The following LNP1 variants were observed in gnomAD, a reference collection of about 807,000 sequenced individuals.
LNP1 encodes the protein leukemia NUP98 fusion partner 1.
In LNP1, 12 loss-of-function variants were observed where a neutral mutation model predicts 14.5. The ratio of observed to expected loss-of-function variants is 0.83; its 90% CI spans 0.53 to 1.34. LNP1 has a LOEUF of 1.34. LNP1 is among the 40% of genes most tolerant of loss of function. The pLI is 0.00. For missense variants in LNP1, 198 were observed against 210.9 expected (o/e 0.94, Z 0.38); for synonymous variants, 75 against 71.4 (o/e 1.05, Z -0.26).
intron 1 of LNP1, among the ~76,000 whole-genome samples, chr3:100,418,385 T>A (rs536256566): frequency 4.6e-5 from 7 of 152,232 alleles, no homozygotes; most frequent in African/African-American, 1.7e-4. Context: ...TATCATTTAG[T>A]TCATTTTGAA....
intron 1 of LNP1, among the ~76,000 whole-genome samples, chr3:100,407,557 T>G (rs2148898295): frequency 2.0e-5 from 3 of 152,312 alleles, no homozygotes; most frequent in Admixed American, 2.0e-4. Context: ...GATTATAATA[T>G]GTCTTGTGAT....
intron 1 of LNP1, among the ~76,000 whole-genome samples, chr3:100,405,760 G>A (rs1706959119): frequency 1.3e-5 from 2 of 151,702 alleles, no homozygotes; most frequent in Admixed American, 1.3e-4. Flanking sequence ...ATATTTGCTT[G>A]CTTCCCAGAT....
At chr3:100,447,173 A>G (rs1398906552) in intron 2 of LNP1, among the ~76,000 whole-genome samples, 2 of 152,198 alleles carry the variant, frequency 1.3e-5, no homozygotes, top group African/African-American at 4.8e-5. Context: ...GGCACTATTC[A>G]CAGTAGCAAA....
intron 2 of LNP1, among the ~76,000 whole-genome samples, chr3:100,443,760 A>G (rs1329003183): frequency 1.3e-5 from 2 of 152,206 alleles, no homozygotes; most frequent in Non-Finnish European, 2.9e-5. Context: ...AGTTTCTCCA[A>G]TTGTGTCCTG....
chr3:100,404,751 C>T lies in LNP1; in HGVS notation c.-34+2312C>T, dbSNP rs192972526. 3.4e-3 allele frequency among the ~76,000 whole-genome samples: 512 copies of T among 150,890 alleles called. 2 individuals are homozygous for T. Among genetic ancestry groups the T allele is most frequent in the African/African-American group, 0.012 (478 of 40,960 alleles). On this transcript the variant is annotated intron_variant, in intron 1 of 3. Transcript: ENST00000383693. The stretch of plus-strand genomic sequence containing the variant: ...TTCCTGACTTTTGTCAAAAATATAA[C>T]TCATCATTTTCCCCACTCATTCTTT...
chr3:100,434,974 T>C (rs1707280209), intron 2 of LNP1, among the ~76,000 whole-genome samples: 1 of 152,180 alleles, frequency 6.6e-6, no homozygotes, highest in African/African-American at 2.4e-5. Context: ...CTCATTCTTA[T>C]AGTATCTCAC....
chr3:100,436,608 C>T (rs1167383110), intron 2 of LNP1, among the ~76,000 whole-genome samples: 2 of 152,028 alleles, frequency 1.3e-5, no homozygotes, highest in African/African-American at 4.8e-5. Flanking sequence ...TAGAGTTTTT[C>T]ATTTTCTCTT....
At chr3:100,425,559 C>T (rs968215909) in intron 1 of LNP1, among the ~76,000 whole-genome samples, 4 of 152,178 alleles carry the variant, frequency 2.6e-5, no homozygotes, top group Admixed American at 6.5e-5. Context: ...CCCCAGGTGC[C>T]GGGTTTTTTT....
intron 2 of LNP1, among the ~76,000 whole-genome samples, chr3:100,445,658 T>C (rs1707380492): frequency 1.3e-5 from 2 of 152,194 alleles, no homozygotes; most frequent in Admixed American, 1.3e-4. Context: ...AACTGGATCA[T>C]ATCAAAGTTT....
chr3:100,424,859 C>T (rs1402189996), intron 1 of LNP1, among the ~76,000 whole-genome samples: 3 of 152,140 alleles, frequency 2.0e-5, no homozygotes. Flanking sequence ...TAGTGTCCCA[C>T]GACACAGTAT....
chr3:100,452,014 C>G (rs1576238240), intron 3 of LNP1, 65 bp downstream of exon 3: 2 of 1,036,698 alleles, frequency 1.9e-6, no homozygotes, highest in Non-Finnish European at 2.8e-6. Flanking sequence ...GTTTTGTCCT[C>G]TTTATGATTG....
chr3:100,407,247 C>T (rs945398051), intron 1 of LNP1, among the ~76,000 whole-genome samples: 1 of 152,066 alleles, frequency 6.6e-6, no homozygotes, highest in Non-Finnish European at 1.5e-5. Context: ...TGAAGAACAC[C>T]CTTTAGCATT....
intron 1 of LNP1, among the ~76,000 whole-genome samples, chr3:100,412,805 G>C (rs1707042800): frequency 6.6e-6 from 1 of 152,072 alleles, no homozygotes; most frequent in Non-Finnish European, 1.5e-5. Flanking sequence ...GCTCAATTCT[G>C]AGTCCCTGAA....
intron 3 of LNP1, 44 bp from the exon 4 acceptor site, chr3:100,455,732 CA>C: frequency 6.3e-7 from 1 of 1,591,640 alleles, no homozygotes; most frequent in South Asian, 1.1e-5. Flanking sequence ...GGAGTGTTGT[CA>C]GCTGCTTGTG....
chr3:100,413,720 T>A (rs140993556), intron 1 of LNP1, among the ~76,000 whole-genome samples: 1,720 of 152,364 alleles, frequency 0.011, 22 homozygotes, highest in African/African-American at 0.039. Context: ...GCATGCACTT[T>A]GCTCAGCACA....
chr3:100,409,998 T>TCTATCTATCTATCTATCTAC (rs1269011181), intron 1 of LNP1, among the ~76,000 whole-genome samples: 1 of 150,914 alleles, frequency 6.6e-6, no homozygotes, highest in African/African-American at 2.4e-5. Flanking sequence ...TATCTATCTA[T>TCTATCTATCTATCTATCTAC]CTACCTATTT....
chr3:100,408,007 C>T (rs779661539), intron 1 of LNP1, among the ~76,000 whole-genome samples: 1 of 152,146 alleles, frequency 6.6e-6, no homozygotes, highest in Non-Finnish European at 1.5e-5. Flanking sequence ...TGACTTGTTT[C>T]TCTGTATTTT....
At chr3:100,420,964 C>T (rs959580466) in intron 1 of LNP1, among the ~76,000 whole-genome samples, 6 of 151,494 alleles carry the variant, frequency 4.0e-5, no homozygotes, top group African/African-American at 1.5e-4. Context: ...ATTTTGAGTT[C>T]ATTTTTGTGT....
At chr3:100,452,227 G>A (rs1707467494) in intron 3 of LNP1, among the ~76,000 whole-genome samples, 1 of 138,916 alleles carries the variant, frequency 7.2e-6, no homozygotes, top group Non-Finnish European at 1.5e-5. Context: ...TTTTGAGATA[G>A]GGTCTTACTC....
Sources: gnomAD v4.1 joint callset for allele counts (sites outside exome capture counted in the v4.1 genomes callset) on GRCh38, gnomAD v4.1.1 for gene constraint, MANE v1.5 for transcripts, NCBI Gene and HGNC (gene_info 2026-07-23, HGNC 2026-07-21) for gene names.